The following DISC1 variants were observed in gnomAD, a reference collection of about 807,000 sequenced individuals.
DISC1 encodes the protein DISC1 scaffold protein, also known as disrupted in schizophrenia 1 protein.
DISC1 carries 57 observed loss-of-function variants against 84.5 expected under a neutral mutation model. That is an observed-to-expected ratio of 0.67 (90% CI 0.55 to 0.84). The LOEUF is 0.84. Among genes scored for constraint, DISC1 ranks in the 40% least tolerant of loss-of-function variants. The pLI is 0.00. For missense variants in DISC1, 1,000 were observed against 1,057.8 expected (o/e 0.95, Z 0.76); for synonymous variants, 411 against 415.2 (o/e 0.99, Z 0.12).
chr1:231,972,490 G>A lies in DISC1; in HGVS notation c.2042+13602G>A, dbSNP rs145031835. Among the ~76,000 whole-genome samples the A allele has an allele frequency of 6.3e-3, 953 of 152,246 alleles. 6 individuals carry two copies. Among genetic ancestry groups the A allele is most frequent in the Non-Finnish European group, 0.011 (735 of 68,032 alleles). On this transcript the variant is annotated intron_variant, in intron 10 of 12. Coordinates refer to ENST00000439617, the MANE Select transcript of DISC1 (RefSeq NM_018662.3). ...TGTTTCCCAGGTGGTGAGTGTTTAG[G>A]GCATTATATAGCAGCTGTGATGATG...
intron 1 of DISC1, among the ~76,000 whole-genome samples, chr1:231,679,682 A>G (rs1356590619): frequency 6.6e-5 from 10 of 152,242 alleles, no homozygotes; most frequent in Non-Finnish European, 7.3e-5. Flanking sequence ...AGAGACGAGA[A>G]TTCTTTGTAA....
intron 10 of DISC1, among the ~76,000 whole-genome samples, chr1:231,978,476 A>G (rs538640548): frequency 2.0e-5 from 3 of 152,224 alleles, no homozygotes; most frequent in Non-Finnish European, 4.4e-5. Context: ...TGAAAGAAAG[A>G]CAGGAGAAAT....
chr1:231,977,310 A>G (rs1274383072), intron 10 of DISC1, among the ~76,000 whole-genome samples: 1 of 152,216 alleles, frequency 6.6e-6, no homozygotes, highest in African/African-American at 2.4e-5. Context: ...GAAATCCATA[A>G]TCAAGTCCAC....
Position 231,862,223 on chromosome 1 carries a change from C to T in DISC1, c.1981+43706C>T, listed in dbSNP as rs941532635. Among the ~76,000 whole-genome samples, 168 of 152,170 alleles carry T rather than the reference C, an allele frequency of 1.1e-3. 2 individuals carry two copies. Among genetic ancestry groups the T allele is most frequent in the Admixed American group, 0.011 (165 of 15,290 alleles). The stretch of plus-strand genomic sequence containing the variant: ...GGTGTTATACATGAGGCATCTGAGA[C>T]TCAGAGGCCTAAGTGGCTGGAAGTA... On this transcript the variant is annotated intron_variant, in intron 9 of 12. Coordinates refer to ENST00000439617, the MANE Select transcript of DISC1 (RefSeq NM_018662.3).
intron 9 of DISC1, among the ~76,000 whole-genome samples, chr1:231,918,531 C>T (rs1402561864): frequency 6.6e-6 from 1 of 152,162 alleles, no homozygotes; most frequent in Non-Finnish European, 1.5e-5. Flanking sequence ...TGTGTGCATA[C>T]AACATGTCTG....
chr1:231,836,374 G>A (rs745951093), intron 9 of DISC1, among the ~76,000 whole-genome samples: 4 of 152,106 alleles, frequency 2.6e-5, no homozygotes, highest in Non-Finnish European at 5.9e-5. Flanking sequence ...GAGAAAGGTC[G>A]TCCCTGTCCT....
intron 9 of DISC1, among the ~76,000 whole-genome samples, chr1:231,893,728 C>T (rs1028560662): frequency 1.3e-5 from 2 of 152,128 alleles, no homozygotes; most frequent in African/African-American, 4.8e-5. Flanking sequence ...GTGGGCGTGG[C>T]ATACGTTAGG....
rs939144320 is a variant in DISC1, at chr1:232,037,557, G to A, written c.*726G>A. ...CACAGTGAGGCTGTGGATGGATCAGGGGACCTGTATAAAATGTTTGAGCCT... is the reference window on the plus strand; with the variant it reads ...CACAGTGAGGCTGTGGATGGATCAGAGGACCTGTATAAAATGTTTGAGCCT... On this transcript the variant is annotated 3_prime_UTR_variant, in exon 13 of 13. Coordinates refer to ENST00000439617, the MANE Select transcript of DISC1 (RefSeq NM_018662.3). 10 of 152,208 alleles carry A rather than the reference G, an allele frequency of 6.6e-5. No homozygotes were observed. Among genetic ancestry groups the A allele is most frequent in the African/African-American group, 2.4e-4 (10 of 41,452 alleles). 9.4% of individuals were successfully genotyped at this position (152,208 alleles called of 1,614,324 possible).
At chr1:231,852,072 A>G (rs1002655617) in intron 9 of DISC1, among the ~76,000 whole-genome samples, 2 of 151,984 alleles carry the variant, frequency 1.3e-5, no homozygotes, top group African/African-American at 4.8e-5. Flanking sequence ...TGCTCTTCCT[A>G]TTTTTCAGTC....
intron 1 of DISC1, among the ~76,000 whole-genome samples, chr1:231,691,818 C>T (rs970058168): frequency 3.3e-5 from 5 of 152,206 alleles, no homozygotes; most frequent in Admixed American, 6.5e-5. Flanking sequence ...CCCCTCCTAA[C>T]GCCTGGCCAC....
intron 10 of DISC1, among the ~76,000 whole-genome samples, chr1:231,962,349 A>T (rs138926674): frequency 7.7e-4 from 117 of 152,154 alleles, no homozygotes; most frequent in African/African-American, 2.6e-3. Context: ...CTCTGTTGAT[A>T]ATTTCTTTTT....
chr1:231,882,505 CTT>C (rs1378833460), intron 9 of DISC1, among the ~76,000 whole-genome samples: 1 of 152,216 alleles, frequency 6.6e-6, no homozygotes, highest in East Asian at 1.9e-4. Context: ...TTATTGGTCT[CTT>C]TGTCTCACTT....
intron 10 of DISC1, among the ~76,000 whole-genome samples, chr1:231,961,288 CT>C (rs1660344638): frequency 6.6e-6 from 1 of 152,208 alleles, no homozygotes; most frequent in Non-Finnish European, 1.5e-5. Flanking sequence ...GCGTTTCTTC[CT>C]TCAGGTGTGG....
chr1:231,659,426 A>G (rs528280832), intron 1 of DISC1, among the ~76,000 whole-genome samples: 3 of 151,722 alleles, frequency 2.0e-5, no homozygotes, highest in East Asian at 3.9e-4. Context: ...TCAAAAAACC[A>G]GTTTCTGGAT....
intron 10 of DISC1, among the ~76,000 whole-genome samples, chr1:231,979,869 C>T (rs538968637): frequency 1.6e-4 from 24 of 152,116 alleles, no homozygotes; most frequent in Non-Finnish European, 2.1e-4. Flanking sequence ...ACAGTTAAAT[C>T]GCAGAGTTTT....
At chr1:231,731,760 G>C (rs756539750) in intron 3 of DISC1, among the ~76,000 whole-genome samples, 4 of 151,908 alleles carry the variant, frequency 2.6e-5, no homozygotes, top group Non-Finnish European at 5.9e-5. Flanking sequence ...ATTCCATTTG[G>C]GCATAATTTT....
chr1:232,033,610 G>T (rs901034536), intron 12 of DISC1, among the ~76,000 whole-genome samples: 9 of 152,196 alleles, frequency 5.9e-5, no homozygotes, highest in Non-Finnish European at 8.8e-5. Flanking sequence ...TGATGGCAGT[G>T]ACTTTGATTC....
At chr1:231,782,731 C>T (rs889721207) in intron 6 of DISC1, among the ~76,000 whole-genome samples, 1 of 151,696 alleles carries the variant, frequency 6.6e-6, no homozygotes, top group African/African-American at 2.4e-5. Flanking sequence ...TGAGGTCAGG[C>T]GTTTCAGAGC....
chr1:231,713,320 G>C (rs1041065559), intron 3 of DISC1, among the ~76,000 whole-genome samples: 1 of 152,098 alleles, frequency 6.6e-6, no homozygotes, highest in Non-Finnish European at 1.5e-5. Context: ...CCCTGAGAAA[G>C]CCCAGCCATC....
Sources: allele counts gnomAD v4.1 joint callset (sites outside exome capture counted in the v4.1 genomes callset), GRCh38; gene constraint gnomAD v4.1.1; transcripts MANE v1.5; gene names NCBI Gene and HGNC (gene_info 2026-07-23, HGNC 2026-07-21).